The following EIF3H variants were observed in gnomAD, a reference collection of about 807,000 sequenced individuals.
EIF3H encodes eIF-3-gamma.
In EIF3H, 26 loss-of-function variants were observed where a neutral mutation model predicts 44.2. That is an observed-to-expected ratio of 0.59 (90% CI 0.43 to 0.82). The LOEUF is 0.82. EIF3H is among the 40% of genes least tolerant of loss of function. EIF3H has a pLI of 0.00. For missense variants in EIF3H, 359 were observed against 432.8 expected, an observed-to-expected ratio of 0.83 and a Z score of 1.51; for synonymous variants, 166 against 151.9, an observed-to-expected ratio of 1.09 and a Z score of -0.68.
chr8:116,724,955 G>T (rs967478513), intron 2 of EIF3H, among the ~76,000 whole-genome samples: 1 of 152,150 alleles, frequency 6.6e-6, no homozygotes, highest in African/African-American at 2.4e-5. Flanking sequence ...AATGGAAACA[G>T]GATTTTGAAG....
intron 1 of EIF3H, among the ~76,000 whole-genome samples, chr8:116,751,911 T>C (rs983369691): frequency 1.3e-5 from 2 of 152,198 alleles, no homozygotes; most frequent in African/African-American, 4.8e-5. Context: ...ATTTCAGAGC[T>C]GGGATTCAAA....
upstream of EIF3H, among the ~76,000 whole-genome samples, chr8:116,757,718 T>C (rs549607317): frequency 3.3e-5 from 5 of 151,432 alleles, no homozygotes; most frequent in East Asian, 1.9e-4. Flanking sequence ...TTAATAGTTA[T>C]GTTAATTTTT....
intron 2 of EIF3H, among the ~76,000 whole-genome samples, chr8:116,705,501 A>AC (rs1554600664): frequency 7.7e-6 from 1 of 129,334 alleles, no homozygotes; most frequent in African/African-American, 2.9e-5. Context: ...ACCCCCCCCC[A>AC]CCACCAACAC....
At chr8:116,650,188 A>G (rs1813365054) in intron 5 of EIF3H, among the ~76,000 whole-genome samples, 1 of 152,250 alleles carries the variant, frequency 6.6e-6, no homozygotes, top group Non-Finnish European at 1.5e-5. Flanking sequence ...CTATGCAAAT[A>G]GACTGGAGAG....
chr8:116,704,203 CA>C (rs1814430296), intron 2 of EIF3H, among the ~76,000 whole-genome samples: 1 of 152,180 alleles, frequency 6.6e-6, no homozygotes, highest in Admixed American at 6.5e-5. Flanking sequence ...TACATTGTAG[CA>C]AAGGCTCTTG....
intron 5 of EIF3H, among the ~76,000 whole-genome samples, chr8:116,653,326 CT>C: frequency 7.6e-6 from 1 of 131,958 alleles, no homozygotes; most frequent in Non-Finnish European, 1.6e-5. Context: ...TGATAATGCT[CT>C]TCAGAAAAAA....
At chr8:116,652,659 C>T (rs1189739298) in intron 5 of EIF3H, among the ~76,000 whole-genome samples, 1 of 151,592 alleles carries the variant, frequency 6.6e-6, no homozygotes, top group Non-Finnish European at 1.5e-5. Context: ...ATTGGTGAAT[C>T]TAAATGAAAG....
chr8:116,752,236 T>C (rs955787831), intron 1 of EIF3H, among the ~76,000 whole-genome samples: 1 of 152,150 alleles, frequency 6.6e-6, no homozygotes, highest in Admixed American at 6.5e-5. Context: ...AAAACAATCA[T>C]AGAAGTGTTG....
At chr8:116,707,682 A>G (rs1586467842) in intron 2 of EIF3H, among the ~76,000 whole-genome samples, 1 of 152,142 alleles carries the variant, frequency 6.6e-6, no homozygotes, top group Admixed American at 6.6e-5. Flanking sequence ...TACTGTTCAC[A>G]TATCAGTAAA....
chr8:116,734,945 T>C (rs1815008875), intron 1 of EIF3H, among the ~76,000 whole-genome samples: 1 of 152,202 alleles, frequency 6.6e-6, no homozygotes, highest in East Asian at 1.9e-4. Flanking sequence ...TAAAACACAA[T>C]ATACTAGTAA....
intron 2 of EIF3H, among the ~76,000 whole-genome samples, chr8:116,664,895 G>T (rs746858506): frequency 3.3e-5 from 5 of 152,168 alleles, no homozygotes; most frequent in African/African-American, 1.2e-4. Context: ...TAGGGAAAGA[G>T]TAGAGCTAGG....
At chr8:116,723,900 AAGAC>A (rs1386201207) in intron 2 of EIF3H, among the ~76,000 whole-genome samples, 1 of 152,202 alleles carries the variant, frequency 6.6e-6, no homozygotes, top group Non-Finnish European at 1.5e-5. Context: ...ATACTACTCA[AAGAC>A]AGATTCAATG....
intron 2 of EIF3H, among the ~76,000 whole-genome samples, chr8:116,676,315 T>A (rs1376268618): frequency 2.6e-5 from 4 of 152,244 alleles, no homozygotes; most frequent in Non-Finnish European, 5.9e-5. Flanking sequence ...GACTAGGCTG[T>A]GTAATCTAGA....
intron 1 of EIF3H, among the ~76,000 whole-genome samples, chr8:116,762,826 C>T (rs1005147117): frequency 2.6e-5 from 4 of 152,222 alleles, no homozygotes; most frequent in Non-Finnish European, 5.9e-5. Context: ...TGCCTGTAAT[C>T]CCAGCTACTT....
intron 1 of EIF3H, among the ~76,000 whole-genome samples, chr8:116,740,759 CA>C (rs1263782420): frequency 1.3e-5 from 2 of 152,252 alleles, no homozygotes. Context: ...ACTAACTCCC[CA>C]ACCCTGTAGT....
intron 1 of EIF3H, among the ~76,000 whole-genome samples, chr8:116,764,351 T>C (rs1245145911): frequency 1.3e-5 from 2 of 152,248 alleles, no homozygotes; most frequent in African/African-American, 4.8e-5. Context: ...GGCTTCTGCC[T>C]TGGTTGTGGC....
chr8:116,670,888 A>T (rs2130816725), intron 2 of EIF3H, among the ~76,000 whole-genome samples: 1 of 152,328 alleles, frequency 6.6e-6, no homozygotes, highest in African/African-American at 2.4e-5. Flanking sequence ...CCATTAGGTA[A>T]TCTGAAGCTC....
chr8:116,753,423 G>A (rs1052992849), intron 1 of EIF3H, among the ~76,000 whole-genome samples: 1 of 152,064 alleles, frequency 6.6e-6, no homozygotes, highest in African/African-American at 2.4e-5. Flanking sequence ...GATTTCCAAG[G>A]TGCTTTGGTA....
intron 2 of EIF3H, 45 bp from the exon 3 acceptor site, chr8:116,659,025 G>C (rs1813541797): frequency 6.6e-7 from 1 of 1,524,708 alleles, no homozygotes; most frequent in Admixed American, 2.1e-5. Flanking sequence ...ACTTTTTAAT[G>C]ATGTTACCAA....
Sources: allele counts gnomAD v4.1 joint callset (sites outside exome capture counted in the v4.1 genomes callset), GRCh38; gene constraint gnomAD v4.1.1; transcripts MANE v1.5; gene names NCBI Gene and HGNC (gene_info 2026-07-23, HGNC 2026-07-21).